The following CDKL5 variants were observed in gnomAD, a reference collection of about 807,000 sequenced individuals.
The protein encoded by CDKL5 is cyclin dependent kinase like 5.
In CDKL5, 8 loss-of-function variants were observed where a neutral mutation model predicts 61.7. The ratio of observed to expected loss-of-function variants is 0.13; its 90% CI spans 0.08 to 0.23. CDKL5 has a LOEUF of 0.23. CDKL5 is among the 10% of genes least tolerant of loss of function. The pLI, the probability that CDKL5 is intolerant of heterozygous loss-of-function variation, is 1.00. For missense variants in CDKL5, 440 were observed against 734.5 expected, an observed-to-expected ratio of 0.60 and a Z score of 4.63; for synonymous variants, 275 against 272.3, an observed-to-expected ratio of 1.01 and a Z score of -0.10.
chrX:18,459,698 CTTTTT>C (rs756249968), intron 1 of CDKL5, among the ~76,000 whole-genome samples: 1 of 53,571 alleles, frequency 1.9e-5, no homozygotes, highest in African/African-American at 7.7e-5. Context: ...AGCTTTCTTT[CTTTTT>C]TTTTTTTTTT....
chrX:18,618,937 C>A (rs1251822085), intron 15 of CDKL5, among the ~76,000 whole-genome samples: 1 of 110,919 alleles, frequency 9.0e-6, no homozygotes, highest in Non-Finnish European at 1.9e-5. Flanking sequence ...CCATTTTACT[C>A]CAGCCTGGGC....
intron 21 of CDKL5, among the ~76,000 whole-genome samples, chrX:18,652,819 A>T (rs1928108771): frequency 8.9e-6 from 1 of 112,833 alleles, no homozygotes; most frequent in African/African-American, 3.2e-5. Flanking sequence ...TCTGTGGCTC[A>T]AATGGCTCTT....
intron 1 of CDKL5, among the ~76,000 whole-genome samples, chrX:18,459,582 A>G (rs945450852): frequency 1.3e-4 from 14 of 109,065 alleles, no homozygotes. Context: ...AACAAAAAAG[A>G]AGTACCTGAG....
chrX:18,628,272 TG>T (rs1331858788), intron 17 of CDKL5, 98 bp from the exon 18 acceptor site: 4 of 900,115 alleles, frequency 4.4e-6, no homozygotes, highest in Admixed American at 4.4e-5. Flanking sequence ...TTGCCCTTCC[TG>T]GCCACACCCA....
chrX:18,587,924 G>A lies in CDKL5; in HGVS notation c.555-30G>A, dbSNP rs770801577. On this transcript the variant is annotated intron_variant, in intron 8 of 17. Coordinates refer to ENST00000623535, the MANE Select transcript of CDKL5 (RefSeq NM_001323289.2). ...ATCAAAACATTATATTTTTTCAGTTGCCAAAATAATCTCTTCCTTTATTTT... is the reference window on the plus strand; with the variant it reads ...ATCAAAACATTATATTTTTTCAGTTACCAAAATAATCTCTTCCTTTATTTT... The A allele has an allele frequency of 5.9e-6, 7 of 1,177,652 alleles. No individual in the cohort carries two copies. In the East Asian group the frequency reaches 8.9e-5, roughly 15 times the overall value.
chrX:18,617,400 C>T (rs1318714096), intron 15 of CDKL5, among the ~76,000 whole-genome samples: 1 of 112,266 alleles, frequency 8.9e-6, no homozygotes, highest in Non-Finnish European at 1.9e-5. Flanking sequence ...CTTTACCCCA[C>T]TCAGCACGAA....
chrX:18,442,536 C>T (rs1275749192), intron 1 of CDKL5: 1 of 110,906 alleles, frequency 9.0e-6, no homozygotes, highest in Non-Finnish European at 1.9e-5. Context: ...CTCTTTCGCC[C>T]AGGCTGAAGT....
At chrX:18,591,733 T>G (rs1417964456) in intron 9 of CDKL5, among the ~76,000 whole-genome samples, 2 of 111,472 alleles carry the variant, frequency 1.8e-5, no homozygotes, top group African/African-American at 6.5e-5. Context: ...AGTCTGCATT[T>G]CCATCTCTAT....
downstream of CDKL5, chrX:18,644,650 G>A (rs766773788): frequency 4.3e-5 from 51 of 1,194,991 alleles, no homozygotes; most frequent in Non-Finnish European, 5.2e-5. Flanking sequence ...CCGAGTCACC[G>A]AGAGACTCCC....
rs1289908104 is a variant in CDKL5, at chrX:18,625,158, A to G, written c.2407A>G (p.Thr803Ala). The G allele has an allele frequency of 8.3e-7, 1 of 1,207,438 alleles. No homozygotes were observed. The highest frequency in any genetic ancestry group is 1.1e-6 in the Non-Finnish European group (1 of 892,912). ...VPNSDSPDLL[T>A]LQKSIHSAST... is the part of the protein sequence containing the mutation. Reference sequence around the variant, plus strand: ...CAATTCCGACAGCCCTGATCTTCTGACGTTGCAGAAATCCATTCATTCTGC... The same window carrying G: ...CAATTCCGACAGCCCTGATCTTCTGGCGTTGCAGAAATCCATTCATTCTGC... Residue 803 changes from threonine (T) to alanine (A), a missense_variant, in exon 17 of 18, where the codon ACG (threonine) becomes GCG (alanine). By Grantham distance (58) the Thr-to-Ala change is moderately conservative. Coordinates refer to ENST00000623535, the MANE Select transcript of CDKL5 (RefSeq NM_001323289.2).
chrX:18,439,566 G>A (rs1293603511), intron 1 of CDKL5, among the ~76,000 whole-genome samples: 1 of 111,347 alleles, frequency 9.0e-6, no homozygotes, highest in African/African-American at 3.3e-5. Flanking sequence ...TTGGCTGGGC[G>A]TGGTGGCTCA....
chrX:18,530,951 T>G, intron 3 of CDKL5, among the ~76,000 whole-genome samples: 2 of 112,204 alleles, frequency 1.8e-5, no homozygotes, highest in Middle Eastern at 9.1e-3. Flanking sequence ...AGTGAGTCTG[T>G]GTCTTGCAAC....
At chrX:18,594,651 C>A (rs1301385418) in intron 9 of CDKL5, among the ~76,000 whole-genome samples, 1 of 112,178 alleles carries the variant, frequency 8.9e-6, no homozygotes, top group African/African-American at 3.2e-5. Context: ...TTCTGCTAGA[C>A]CCTCAATTAC....
intron 1 of CDKL5, among the ~76,000 whole-genome samples, chrX:18,506,076 G>T (rs1315145252): frequency 8.9e-6 from 1 of 112,707 alleles, no homozygotes; most frequent in Non-Finnish European, 1.9e-5. Flanking sequence ...CTGTTACTGT[G>T]CTTATTTACT....
chrX:18,611,793 G>C (rs1024893189), intron 14 of CDKL5, among the ~76,000 whole-genome samples: 1 of 111,899 alleles, frequency 8.9e-6, no homozygotes, highest in African/African-American at 3.3e-5. Context: ...AAAAATTTCA[G>C]ATATAGAAGG....
chrX:18,635,514 A>T lies in CDKL5; in HGVS notation c.*6757A>T. The stretch of plus-strand genomic sequence containing the variant: ...GAATGCATTCGAATTCAAATGAGGG[A>T]TGATGGGCCTTTGAGGTTGTAATCA... On this transcript the variant is annotated 3_prime_UTR_variant, in exon 18 of 18. Coordinates refer to ENST00000623535, the MANE Select transcript of CDKL5 (RefSeq NM_001323289.2). 1.3e-6 allele frequency: 1 copy of T among 754,235 alleles called. No homozygotes were observed. The highest frequency in any genetic ancestry group is 1.6e-6 in the Non-Finnish European group (1 of 639,075). 62.2% of individuals were successfully genotyped at this position (754,235 alleles called of 1,213,427 possible).
intron 1 of CDKL5, among the ~76,000 whole-genome samples, chrX:18,495,810 C>G (rs781425135): frequency 6.9e-4 from 77 of 111,903 alleles, no homozygotes; most frequent in Non-Finnish European, 1.3e-3. Flanking sequence ...ACAACCTTCC[C>G]CAGATCTCCT....
Position 18,635,437 on chromosome X carries a change from C to T in CDKL5, c.*6680C>T, listed in dbSNP as rs1042245351. The T allele has an allele frequency of 9.3e-6, 7 of 752,262 alleles. No homozygotes were observed. In the African/African-American group the frequency reaches 1.6e-4, roughly 17 times the overall value. The allele number at this position is 752,262 out of a possible 1,213,427, so 62.0% of individuals were successfully genotyped here. ...CGTCCCAATCTTGAGCACTGTGGTCCTTCGTGTTTGAACTGCGAACAGCTC... is the reference window on the plus strand; with the variant it reads ...CGTCCCAATCTTGAGCACTGTGGTCTTTCGTGTTTGAACTGCGAACAGCTC... On this transcript the variant is annotated 3_prime_UTR_variant, in exon 18 of 18. Transcript: ENST00000623535.
chrX:18,448,846 AT>A (rs1284269010), intron 1 of CDKL5, among the ~76,000 whole-genome samples: 2 of 110,890 alleles, frequency 1.8e-5, no homozygotes, highest in Non-Finnish European at 3.8e-5. Context: ...TCTTTTCTTT[AT>A]TTTTTTAAAT....
Sources: allele counts gnomAD v4.1 joint callset (sites outside exome capture counted in the v4.1 genomes callset), GRCh38; gene constraint gnomAD v4.1.1; transcripts MANE v1.5; gene names NCBI Gene and HGNC (gene_info 2026-07-23, HGNC 2026-07-21).